Variants in SAMD3 observed in about 807,000 individuals in gnomAD.
SAMD3 encodes sterile alpha motif domain-containing protein 3.
In SAMD3, 63 loss-of-function variants were observed where a neutral mutation model predicts 58.5. That is an observed-to-expected ratio of 1.08 (90% confidence interval 0.88 to 1.33). SAMD3 has a LOEUF of 1.33. Ranked by LOEUF, SAMD3 falls within the 40% of genes most tolerant of loss-of-function variation. SAMD3 has a pLI of 0.00. For missense variants in SAMD3, 604 were observed against 608.4 expected (o/e 0.99, Z 0.08); for synonymous variants, 220 against 210.3 (o/e 1.05, Z -0.40).
At chr6:130,203,044 A>G (rs1794785014) in intron 5 of SAMD3, among the ~76,000 whole-genome samples, 1 of 152,176 alleles carries the variant, frequency 6.6e-6, no homozygotes, top group African/African-American at 2.4e-5. Context: ...CTGGTGTCCC[A>G]GGCCTTTTGG....
In SAMD3 at chr6:130,179,945, G is replaced by A. The variant is rs573596231; in HGVS notation, c.655-3937C>T. On this transcript the variant is annotated intron_variant, in intron 7 of 11. Transcript: ENST00000439090. ...TTCTCCTGCCTCAGCCTCCCGTGTA[G>A]CTGGGAATACAGTTACCTGCCACCA... Among the ~76,000 whole-genome samples the A allele has an allele frequency of 3.0e-4, 46 of 151,710 alleles. 1 individual carries two copies. Among genetic ancestry groups the A allele is most frequent in the Non-Finnish European group, 6.2e-4 (42 of 67,960 alleles).
chr6:130,146,985 AAG>A (rs1788692274), intron 9 of SAMD3, among the ~76,000 whole-genome samples: 1 of 152,196 alleles, frequency 6.6e-6, no homozygotes, highest in African/African-American at 2.4e-5. Flanking sequence ...AAAGAAAAGA[AAG>A]AAAAAGAAAC....
chr6:130,159,873 T>C (rs958547069), intron 8 of SAMD3: 2 of 152,096 alleles, frequency 1.3e-5, no homozygotes, highest in African/African-American at 4.8e-5. Context: ...AACATGAATA[T>C]TTCATAAACA....
At chr6:130,215,395 C>A in intron 2 of SAMD3, 101 bp from the exon 3 acceptor site, 2 of 1,248,096 alleles carry the variant, frequency 1.6e-6, no homozygotes, top group Non-Finnish European at 2.1e-6. Flanking sequence ...ACTCCTTTAT[C>A]TTCTCAATGT....
At chr6:130,189,647 C>T (rs981739265) in intron 5 of SAMD3, among the ~76,000 whole-genome samples, 14 of 152,298 alleles carry the variant, frequency 9.2e-5, no homozygotes, top group African/African-American at 3.1e-4. Flanking sequence ...TTCCATGGTT[C>T]ATGCTACTAC....
At chr6:130,203,990 T>A (rs1395500387) in intron 5 of SAMD3, among the ~76,000 whole-genome samples, 1 of 152,058 alleles carries the variant, frequency 6.6e-6, no homozygotes, top group African/African-American at 2.4e-5. Context: ...TTTGCCTTAA[T>A]CACTGAACAT....
At chr6:130,252,569 C>T (rs575328081) in intron 2 of SAMD3, among the ~76,000 whole-genome samples, 13 of 152,256 alleles carry the variant, frequency 8.5e-5, no homozygotes, top group South Asian at 2.1e-4. Context: ...TTTAAATTTC[C>T]GTAAAAACTT....
chr6:130,339,178 C>G (rs1777191490), intron 1 of SAMD3, among the ~76,000 whole-genome samples: 2 of 152,278 alleles, frequency 1.3e-5, no homozygotes, highest in South Asian at 2.1e-4. Flanking sequence ...TCCCAAGTAG[C>G]TGGGACTACA....
intron 7 of SAMD3, among the ~76,000 whole-genome samples, chr6:130,179,810 C>CTTTTTT (rs71028199): frequency 6.9e-5 from 8 of 116,238 alleles, no homozygotes; most frequent in East Asian, 2.5e-4. Flanking sequence ...TGTCCTTATT[C>CTTTTTT]TTTTTTTTTT....
At chr6:130,213,012 G>T (rs1356389099) in intron 4 of SAMD3, among the ~76,000 whole-genome samples, 2 of 152,224 alleles carry the variant, frequency 1.3e-5, no homozygotes, top group African/African-American at 4.8e-5. Flanking sequence ...GCCGGGCAAA[G>T]CAGCTCTTGC....
At chr6:130,228,086 C>T (rs1303034361) in intron 2 of SAMD3, among the ~76,000 whole-genome samples, 1 of 152,174 alleles carries the variant, frequency 6.6e-6, no homozygotes, top group African/African-American at 2.4e-5. Context: ...AAACCAGAAG[C>T]CTATGCATAA....
upstream of SAMD3, among the ~76,000 whole-genome samples, chr6:130,224,145 G>A (rs889742937): frequency 6.2e-5 from 9 of 145,988 alleles, no homozygotes; most frequent in African/African-American, 2.5e-4. Context: ...AATTCTACGT[G>A]GTCCACATCA....
At chr6:130,275,913 C>T (rs181123375) in intron 2 of SAMD3, among the ~76,000 whole-genome samples, 40 of 152,188 alleles carry the variant, frequency 2.6e-4, no homozygotes, top group Admixed American at 9.8e-4. Flanking sequence ...AATGGCCCTG[C>T]AAGGATGTTC....
At chr6:130,338,512 C>A (rs1371440987) in intron 1 of SAMD3, among the ~76,000 whole-genome samples, 1 of 152,146 alleles carries the variant, frequency 6.6e-6, no homozygotes, top group Non-Finnish European at 1.5e-5. Flanking sequence ...CAGCTTGCAC[C>A]ATGTGCCTGG....
chr6:130,158,731 A>G (rs1042573024), intron 8 of SAMD3, among the ~76,000 whole-genome samples: 2 of 152,194 alleles, frequency 1.3e-5, no homozygotes, highest in African/African-American at 4.8e-5. Flanking sequence ...TTGAAACAAA[A>G]GTATACTCCA....
intron 2 of SAMD3, among the ~76,000 whole-genome samples, chr6:130,245,419 G>A (rs952673364): frequency 1.3e-5 from 2 of 152,200 alleles, no homozygotes; most frequent in African/African-American, 2.4e-5. Flanking sequence ...GTATAAACAA[G>A]GGAAGGAAAG....
At chr6:130,298,920 A>T (rs1054750842) in intron 2 of SAMD3, among the ~76,000 whole-genome samples, 2 of 152,194 alleles carry the variant, frequency 1.3e-5, no homozygotes, top group Non-Finnish European at 2.9e-5. Flanking sequence ...TCAATTCAAC[A>T]CTGCGTATGC....
chr6:130,237,554 A>T (rs933870443), intron 2 of SAMD3, among the ~76,000 whole-genome samples: 2 of 152,136 alleles, frequency 1.3e-5, no homozygotes, highest in Non-Finnish European at 1.5e-5. Context: ...TTACTGCTTT[A>T]AAATGTCTAA....
Position 130,232,965 on chromosome 6 carries a change from C to T in SAMD3, c.-187-10152G>A, listed in dbSNP as rs188623681. Among the ~76,000 whole-genome samples, 156 of 152,194 alleles carry T rather than the reference C, an allele frequency of 1.0e-3. 2 individuals carry two copies. The highest frequency in any genetic ancestry group is 1.9e-4 in the Non-Finnish European group (13 of 68,020). On this transcript the variant is annotated intron_variant, in intron 2 of 13. Transcript: ENST00000368134. ...GGTACAAGCTTCAGGTCATTTGATG[C>T]GTGACACGAGCTGAGATTACTGTGC...
Sources: allele counts gnomAD v4.1 joint callset (sites outside exome capture counted in the v4.1 genomes callset), GRCh38; gene constraint gnomAD v4.1.1; transcripts MANE v1.5; gene names NCBI Gene and HGNC (gene_info 2026-07-23, HGNC 2026-07-21).